TBC1D13: variants seen among roughly 807,000 people sequenced by gnomAD.
TBC1D13 encodes the protein TBC1 domain family member 13, also known as epididymis secretory sperm binding protein.
A neutral mutation model predicts 53.6 loss-of-function variants in TBC1D13; 40 were observed. The ratio of observed to expected loss-of-function variants is 0.75; its 90% CI spans 0.58 to 0.97. The LOEUF is 0.97. TBC1D13 is among the 50% of genes least tolerant of loss of function. The pLI, the probability that TBC1D13 is intolerant of heterozygous loss-of-function variation, is 0.00. For synonymous variants in TBC1D13, 182 were observed against 197.7 expected (o/e 0.92, Z 0.67); for missense variants, 377 against 499.4 (o/e 0.75, Z 2.34).
At chr9:128,789,755 C>T (rs913273874) in intron 2 of TBC1D13, 8 of 146,636 alleles carry the variant, frequency 5.5e-5, no homozygotes, top group African/African-American at 7.7e-5. Flanking sequence ...CTGGGGCTTA[C>T]CCAGTAGTAG....
At chr9:128,793,893 G>C (rs1175194972) in intron 6 of TBC1D13, among the ~76,000 whole-genome samples, 1 of 152,256 alleles carries the variant, frequency 6.6e-6, no homozygotes. Context: ...GTGTCAGAAG[G>C]GGTTTAGGAG....
At position 128,809,231 on chromosome 9, in the gene TBC1D13, C is replaced by T. The variant is rs1829903415; in HGVS notation, c.*1352C>T. On this transcript the variant is annotated 3_prime_UTR_variant, in exon 12 of 12. Coordinates refer to ENST00000372648, the MANE Select transcript of TBC1D13 (RefSeq NM_018201.5). ...GTGCAGGGCCTTCTCTGACCCCTGCCTGAGCTGTTCCCAGGGCTGGAGCAG... is the reference window on the plus strand; with the variant it reads ...GTGCAGGGCCTTCTCTGACCCCTGCTTGAGCTGTTCCCAGGGCTGGAGCAG... The T allele has an allele frequency of 6.6e-6, 1 of 152,482 alleles. No homozygotes were observed. Among genetic ancestry groups the T allele is most frequent in the Non-Finnish European group, 1.5e-5 (1 of 68,246 alleles). 9.4% of individuals were successfully genotyped at this position (152,482 alleles called of 1,614,324 possible).
intron 6 of TBC1D13, 126 bp from the exon 7 acceptor site, chr9:128,796,929 C>A: frequency 9.5e-7 from 1 of 1,050,532 alleles, no homozygotes; most frequent in Non-Finnish European, 1.4e-6. Context: ...GTGCAAGACT[C>A]CATCTCAAAA....
intron 7 of TBC1D13, among the ~76,000 whole-genome samples, chr9:128,798,533 G>A (rs1011667674): frequency 6.6e-6 from 1 of 152,166 alleles, no homozygotes; most frequent in South Asian, 2.1e-4. Flanking sequence ...TGGCGGTAGA[G>A]AGGCTACCTG....
intron 7 of TBC1D13, among the ~76,000 whole-genome samples, chr9:128,802,864 C>T (rs1014256706): frequency 6.6e-6 from 1 of 151,348 alleles, no homozygotes; most frequent in South Asian, 2.1e-4. Context: ...CCTCGCAAGT[C>T]GCTGGGACCA....
Position 128,791,636 on chromosome 9 carries a change from T to A in TBC1D13, c.243T>A (p.Pro81=). The change falls in exon 5 of 12, where the codon CCT becomes CCA. Residue 81 remains proline (P), a synonymous_variant. Coordinates refer to ENST00000372648, the MANE Select transcript of TBC1D13 (RefSeq NM_018201.5). ...AQFLREMIIQ[P]GIAKANMGVS... Reference sequence around the variant, plus strand: ...TCCTGAGGGAAATGATCATCCAGCCTGGCATTGCCAAGGCCAACATGGGTG... The same window carrying A: ...TCCTGAGGGAAATGATCATCCAGCCAGGCATTGCCAAGGCCAACATGGGTG... 1 of 1,614,222 alleles carries A rather than the reference T, an allele frequency of 6.2e-7. No individual in the cohort carries two copies. Among genetic ancestry groups the A allele is most frequent in the Non-Finnish European group, 8.5e-7 (1 of 1,180,020 alleles).
In TBC1D13 at chr9:128,803,265, A is replaced by G; in HGVS notation, c.559A>G (p.Lys187Glu). Residue 187 changes from lysine to glutamate, a missense_variant, in exon 8 of 12, where the codon AAG becomes GAG. Lys to Glu is a moderately conservative substitution (Grantham distance 56). Transcript: ENST00000372648. ...TCTCCTCCAGATGAGCTCCCCACACAAGAACTCTGTGCCATCATCCCTAAA... is the reference window on the plus strand; with the variant it reads ...TCTCCTCCAGATGAGCTCCCCACACGAGAACTCTGTGCCATCATCCCTAAA... ...SGVTNMSSPHKNSVPSSLNEY... is the reference protein window; with the variant it reads ...SGVTNMSSPHENSVPSSLNEY... 1 of 1,614,080 alleles carries G rather than the reference A, an allele frequency of 6.2e-7. No homozygotes were observed. The highest frequency in any genetic ancestry group is 8.5e-7 in the Non-Finnish European group (1 of 1,180,016).
In TBC1D13 at chr9:128,803,467, A is replaced by G. The variant is rs533597201; in HGVS notation, c.754+7A>G. On this transcript the variant is annotated splice_region_variant and intron_variant, in intron 8 of 11. Coordinates refer to ENST00000372648, the MANE Select transcript of TBC1D13 (RefSeq NM_018201.5). ...CCCAATAGTGAGTGGAAAGGTAAGA[A>G]GGCTCTTGGTGCCCACATCCCTCGT... 1 of 1,613,696 alleles carries G rather than the reference A, an allele frequency of 6.2e-7. No individual in the cohort carries two copies. Among genetic ancestry groups the G allele is most frequent in the South Asian group, 1.1e-5 (1 of 91,062 alleles).
chr9:128,793,838 G>A (rs893378279), intron 6 of TBC1D13, among the ~76,000 whole-genome samples: 1 of 152,240 alleles, frequency 6.6e-6, no homozygotes, highest in Non-Finnish European at 1.5e-5. Context: ...AGTACAGACA[G>A]GTGCCCCTCC....
At position 128,806,005 on chromosome 9, in the gene TBC1D13, C is replaced by T. The variant is rs780313149; in HGVS notation, c.1065C>T (p.Cys355=). ...DNRFDFLLLV[C]CAMLMLIREQ... is the part of the protein sequence containing the mutation. The stretch of plus-strand genomic sequence containing the variant: ...GCTTTGACTTCCTCCTCCTCGTCTG[C>T]TGCGCCATGCTCATGTGAGTGCGGG... The change falls in exon 10 of 12, where the codon TGC becomes TGT. Residue 355 remains cysteine (C), a synonymous_variant. Coordinates refer to ENST00000372648, the MANE Select transcript of TBC1D13 (RefSeq NM_018201.5). 6.2e-7 allele frequency: 1 copy of T among 1,614,088 alleles called. No homozygotes were observed. The highest frequency in any genetic ancestry group is 1.7e-5 in the Admixed American group (1 of 60,026).
chr9:128,801,769 T>TG (rs1251664825), intron 7 of TBC1D13, among the ~76,000 whole-genome samples: 11 of 149,728 alleles, frequency 7.3e-5, no homozygotes, highest in African/African-American at 2.7e-4. Flanking sequence ...TGTTTTTTGT[T>TG]TTTTTTTTTT....
chr9:128,802,091 T>C (rs1242421765), intron 7 of TBC1D13, among the ~76,000 whole-genome samples: 1 of 147,456 alleles, frequency 6.8e-6, no homozygotes, highest in East Asian at 2.0e-4. Context: ...GTTTCACTCT[T>C]GTTGCCCAGG....
intron 5 of TBC1D13, 65 bp from the exon 6 acceptor site, chr9:128,792,427 G>A (rs916686793): frequency 2.0e-5 from 30 of 1,473,956 alleles, no homozygotes; most frequent in Middle Eastern, 1.7e-4. Context: ...TCAGGTTTCC[G>A]GGATAGAATC....
At chr9:128,803,071 T>C in intron 7 of TBC1D13, among the ~76,000 whole-genome samples, 179 bp from the exon 8 acceptor site, 1 of 152,030 alleles carries the variant, frequency 6.6e-6, no homozygotes. Context: ...TTTTTTCTCC[T>C]GAGACAGGGT....
At chr9:128,799,069 G>A (rs1387550319) in intron 7 of TBC1D13, among the ~76,000 whole-genome samples, 1 of 152,198 alleles carries the variant, frequency 6.6e-6, no homozygotes, top group Non-Finnish European at 1.5e-5. Context: ...CCGATCCAGG[G>A]TTGCAGGTGC....
chr9:128,804,190 G>A (rs1829786848), intron 9 of TBC1D13, 71 bp downstream of exon 9: 1 of 1,562,252 alleles, frequency 6.4e-7, no homozygotes, highest in Admixed American at 1.8e-5. Context: ...CCCAGCCCAG[G>A]GCGAGGTCTC....
chr9:128,797,030 AT>A, intron 6 of TBC1D13, 24 bp from the exon 7 acceptor site: 1 of 1,613,088 alleles, frequency 6.2e-7, no homozygotes, highest in Non-Finnish European at 8.5e-7. Flanking sequence ...GAGTAACAAG[AT>A]TATTTCCTGT....
At chr9:128,797,537 T>C (rs1829658301) in intron 7 of TBC1D13, among the ~76,000 whole-genome samples, 2 of 152,176 alleles carry the variant, frequency 1.3e-5, no homozygotes, top group Non-Finnish European at 2.9e-5. Flanking sequence ...GCACAGTGGT[T>C]CACGCCTGTA....
At position 128,787,273 on chromosome 9, in the gene TBC1D13, G is replaced by GGGGGGCGGC; in HGVS notation, c.-78_-70dup. ...CTTTTGCGCAGAGCCCCGCGTCCCTGGGGGGCGGCGGCGGCGGCGGCAGCG... is the reference window on the plus strand; with the variant it reads ...CTTTTGCGCAGAGCCCCGCGTCCCTGGGGGGCGGCGGGGGCGGCGGCGGCGGCGGCAGCG... On this transcript the variant is annotated 5_prime_UTR_variant, in exon 1 of 12. Coordinates refer to ENST00000372648, the MANE Select transcript of TBC1D13 (RefSeq NM_018201.5). 1 of 1,236,266 alleles carries GGGGGGCGGC rather than the reference G, an allele frequency of 8.1e-7. No individual in the cohort carries two copies. The allele number at this position is 1,236,266 out of a possible 1,614,324, so 76.6% of individuals were successfully genotyped here.
Sources: allele counts gnomAD v4.1 joint callset (sites outside exome capture counted in the v4.1 genomes callset), GRCh38; gene constraint gnomAD v4.1.1; transcripts MANE v1.5; gene names NCBI Gene and HGNC (gene_info 2026-07-23, HGNC 2026-07-21).